The following ZNF277 variants were observed in gnomAD, a reference collection of about 807,000 sequenced individuals.
ZNF277 encodes nuclear receptor-interacting factor 4.
ZNF277 carries 55 observed loss-of-function variants against 60.7 expected under a neutral mutation model. The ratio of observed to expected loss-of-function variants is 0.91; its 90% CI spans 0.73 to 1.13. The LOEUF is 1.13. Among genes scored for constraint, ZNF277 ranks in the 50% most tolerant of loss-of-function variants. The probability of loss-of-function intolerance (pLI) is 0.00; values close to 1 mark genes in which losing one functional copy is unlikely to be tolerated. For missense variants in ZNF277, 510 were observed against 523.0 expected, an observed-to-expected ratio of 0.98 and a Z score of 0.24; for synonymous variants, 178 against 179.3, an observed-to-expected ratio of 0.99 and a Z score of 0.06.
intron 1 of ZNF277, among the ~76,000 whole-genome samples, chr7:112,227,811 T>A (rs896837953): frequency 6.6e-6 from 1 of 152,114 alleles, no homozygotes; most frequent in Non-Finnish European, 1.5e-5. Flanking sequence ...ATTAGCTACA[T>A]ACGTCTTTGT....
intron 1 of ZNF277, among the ~76,000 whole-genome samples, chr7:112,216,905 T>C (rs1821899424): frequency 6.6e-6 from 1 of 152,222 alleles, no homozygotes; most frequent in South Asian, 2.1e-4. Context: ...TGGGATCCTA[T>C]ACTCTGAGAC....
At chr7:112,210,175 C>A (rs1157654469) in intron 1 of ZNF277, among the ~76,000 whole-genome samples, 1 of 152,084 alleles carries the variant, frequency 6.6e-6, no homozygotes, top group Non-Finnish European at 1.5e-5. Context: ...AAACATACAC[C>A]TTTTTGACTT....
At chr7:112,218,151 A>G (rs1821935544) in intron 1 of ZNF277, among the ~76,000 whole-genome samples, 1 of 152,202 alleles carries the variant, frequency 6.6e-6, no homozygotes, top group Non-Finnish European at 1.5e-5. Flanking sequence ...GTCTTGATAA[A>G]TTGATTCTGG....
intron 2 of ZNF277, among the ~76,000 whole-genome samples, chr7:112,290,601 CCTT>C (rs1484708856): frequency 6.6e-6 from 1 of 152,088 alleles, no homozygotes; most frequent in African/African-American, 2.4e-5. Flanking sequence ...TGTCAACTGT[CCTT>C]CTAATTAAGT....
At chr7:112,305,120 A>G (rs1287384533) in intron 4 of ZNF277, among the ~76,000 whole-genome samples, 2 of 152,104 alleles carry the variant, frequency 1.3e-5, no homozygotes, top group African/African-American at 4.8e-5. Context: ...AGCTGGGCCC[A>G]GTGGCTCATG....
chr7:112,285,884 T>A (rs1194024367), intron 1 of ZNF277, among the ~76,000 whole-genome samples: 1 of 152,220 alleles, frequency 6.6e-6, no homozygotes, highest in Non-Finnish European at 1.5e-5. Flanking sequence ...AACTTGTCTG[T>A]GGCTTAGTTT....
chr7:112,271,784 T>C (rs1341074781), intron 1 of ZNF277, among the ~76,000 whole-genome samples: 1 of 135,122 alleles, frequency 7.4e-6, no homozygotes, highest in Non-Finnish European at 1.5e-5. Flanking sequence ...CTGACATTCT[T>C]TTTTTTTTAA....
intron 1 of ZNF277, among the ~76,000 whole-genome samples, chr7:112,225,849 C>T (rs1446906627): frequency 6.6e-6 from 1 of 152,016 alleles, no homozygotes; most frequent in African/African-American, 2.4e-5. Flanking sequence ...TATTCCAGGA[C>T]TCCATAGAAT....
At chr7:112,267,784 A>G (rs1791583893) in intron 1 of ZNF277, among the ~76,000 whole-genome samples, 1 of 151,964 alleles carries the variant, frequency 6.6e-6, no homozygotes. Context: ...TAGTATTGAT[A>G]TTTCCTTTTT....
intron 1 of ZNF277, among the ~76,000 whole-genome samples, chr7:112,269,814 C>T (rs1287817060): frequency 3.9e-5 from 6 of 152,072 alleles, no homozygotes; most frequent in African/African-American, 9.7e-5. Context: ...AGAAGCTGAG[C>T]TGTATTATCA....
chr7:112,243,831 T>A (rs1791016986), intron 1 of ZNF277, among the ~76,000 whole-genome samples: 1 of 152,084 alleles, frequency 6.6e-6, no homozygotes, highest in Non-Finnish European at 1.5e-5. Context: ...AGAAATAATG[T>A]ATAAAGATAC....
intron 1 of ZNF277, among the ~76,000 whole-genome samples, chr7:112,242,756 C>T (rs1240542125): frequency 6.6e-6 from 1 of 151,892 alleles, no homozygotes; most frequent in African/African-American, 2.4e-5. Context: ...AGGCAATCTA[C>T]AGATTCAGTG....
chr7:112,271,782 CT>C (rs145202484), intron 1 of ZNF277, among the ~76,000 whole-genome samples: 8,530 of 148,414 alleles, frequency 0.057, 633 homozygotes, highest in African/African-American at 0.17. Context: ...TTCTGACATT[CT>C]TTTTTTTTTA....
intron 1 of ZNF277, among the ~76,000 whole-genome samples, chr7:112,278,759 C>T (rs1338991846): frequency 6.6e-6 from 1 of 152,120 alleles, no homozygotes; most frequent in Non-Finnish European, 1.5e-5. Context: ...AAAAAAAATA[C>T]ATAACATGAA....
intron 4 of ZNF277, among the ~76,000 whole-genome samples, chr7:112,298,078 T>G (rs1223210181): frequency 6.6e-6 from 1 of 152,184 alleles, no homozygotes; most frequent in East Asian, 1.9e-4. Flanking sequence ...CTCGTTGAAT[T>G]TCTGCTTAAG....
In ZNF277 at chr7:112,296,052, T is replaced by C. The variant is rs1191380021; in HGVS notation, c.382+95T>C. ...TATATTAGAATTACTTTTACTTTCATGATAGATAAAATTAAATTGATGTGT... is the reference window on the plus strand; with the variant it reads ...TATATTAGAATTACTTTTACTTTCACGATAGATAAAATTAAATTGATGTGT... On this transcript the variant is annotated intron_variant, in intron 3 of 11. Coordinates refer to ENST00000361822, the MANE Select transcript of ZNF277 (RefSeq NM_021994.3). 13 of 1,123,380 alleles carry C rather than the reference T, an allele frequency of 1.2e-5. No homozygotes were observed. The African/African-American group carries it at 1.9e-4, about 16-fold the overall frequency. 69.6% of individuals were successfully genotyped at this position (1,123,380 alleles called of 1,614,324 possible).
rs748243225 is a variant in ZNF277 at position 112,336,133 on chromosome 7, G to A, written c.831G>A (p.Gln277=). Reference sequence around the variant, plus strand: ...TTGGAAAATCGTGGGAAGAAGTTCAGTTGGAAGATGATCGGGAGTTGCTGG... The same window carrying A: ...TTGGAAAATCGTGGGAAGAAGTTCAATTGGAAGATGATCGGGAGTTGCTGG... ...LELGKSWEEV[Q]LEDDRELLDH... is the part of the protein sequence containing the mutation. The change falls in exon 8 of 12, where the codon CAG becomes CAA. Residue 277 remains glutamine, a synonymous_variant. Coordinates refer to ENST00000361822, the MANE Select transcript of ZNF277 (RefSeq NM_021994.3). The A allele has an allele frequency of 3.7e-6, 6 of 1,610,116 alleles. No homozygotes were observed. In the South Asian group the frequency reaches 4.4e-5, roughly 12 times the overall value.
At chr7:112,244,025 A>T (rs1791022434) in intron 1 of ZNF277, among the ~76,000 whole-genome samples, 1 of 152,142 alleles carries the variant, frequency 6.6e-6, no homozygotes, top group African/African-American at 2.4e-5. Flanking sequence ...GGAGGCCATT[A>T]TCTTAACTGA....
At chr7:112,223,575 C>G (rs115228355) in intron 1 of ZNF277, among the ~76,000 whole-genome samples, 2,666 of 152,320 alleles carry the variant, frequency 0.018, 82 homozygotes, top group African/African-American at 0.062. Context: ...GTTCATGAGT[C>G]TGCCACCTGG....
Sources: allele counts gnomAD v4.1 joint callset (sites outside exome capture counted in the v4.1 genomes callset), GRCh38; gene constraint gnomAD v4.1.1; transcripts MANE v1.5; gene names NCBI Gene and HGNC (gene_info 2026-07-23, HGNC 2026-07-21).